The following SLC5A12 variants were observed in gnomAD, a reference collection of about 807,000 sequenced individuals.
The protein encoded by SLC5A12 is solute carrier family 5 member 12, also known as sodium-coupled monocarboxylate transporter 2.
SLC5A12 carries 46 observed loss-of-function variants against 72.7 expected under a neutral mutation model. The ratio of observed to expected loss-of-function variants is 0.63; its 90% CI spans 0.50 to 0.81. The LOEUF (loss-of-function observed/expected upper bound fraction) is 0.81. Among genes scored for constraint, SLC5A12 ranks in the 30% least tolerant of loss-of-function variants. SLC5A12 has a pLI of 0.00. For synonymous variants in SLC5A12, 275 were observed against 264.4 expected, an observed-to-expected ratio of 1.04 and a Z score of -0.39; for missense variants, 683 against 740.7, an observed-to-expected ratio of 0.92 and a Z score of 0.90.
intron 2 of SLC5A12, among the ~76,000 whole-genome samples, chr11:26,712,386 T>C (rs1855250387): frequency 6.6e-6 from 1 of 152,140 alleles, no homozygotes. Flanking sequence ...TTATGCAGGT[T>C]AAACAGCAGT....
chr11:26,680,477 TAC>T (rs1051404125), intron 12 of SLC5A12, among the ~76,000 whole-genome samples: 11 of 149,168 alleles, frequency 7.4e-5, no homozygotes, highest in Non-Finnish European at 1.5e-4. Context: ...TGTCCAAAGA[TAC>T]AGAGGGAATA....
In SLC5A12 at chr11:26,711,059, C is replaced by T. The variant is rs182651995; in HGVS notation, c.457+248G>A. Among the ~76,000 whole-genome samples the T allele has an allele frequency of 4.3e-4, 65 of 151,986 alleles. 1 individual carries two copies. In the East Asian group the frequency reaches 0.011, roughly 25 times the overall value. Reference sequence around the variant, plus strand: ...ATGATTTAAAAATAAAAACCAAATCCCAAACAAACAAAAGCAATCAAAATT... The same window carrying T: ...ATGATTTAAAAATAAAAACCAAATCTCAAACAAACAAAAGCAATCAAAATT... On this transcript the variant is annotated intron_variant, in intron 3 of 14. Coordinates refer to ENST00000396005, the MANE Select transcript of SLC5A12 (RefSeq NM_178498.4).
At position 26,671,240 on chromosome 11, in the gene SLC5A12, C is replaced by A. The variant is rs757776791; in HGVS notation, c.1719G>T (p.Glu573Asp). The A allele has an allele frequency of 6.3e-7, 1 of 1,598,334 alleles. No individual in the cohort carries two copies. Among genetic ancestry groups the A allele is most frequent in the Non-Finnish European group, 8.5e-7 (1 of 1,172,950 alleles). ...HDSGTEQENL[E>D]NGSARKQGAE... is the part of the protein sequence containing the mutation. The stretch of plus-strand genomic sequence containing the variant: ...CCCCCTGTTTCCGGGCACTGCCATT[C>A]TCAAGGTTTTCCTGAGGGAAATACA... The change falls in exon 15 of 15, where the codon GAG becomes GAT. Residue 573 changes from glutamate to aspartate, a missense_variant. Coordinates refer to ENST00000396005, the MANE Select transcript of SLC5A12 (RefSeq NM_178498.4).
Position 26,669,187 on chromosome 11 carries a change from T to TTC in SLC5A12, c.*1914_*1915insGA, listed in dbSNP as rs1554988603. ...TGTCTTTTTCTTTCTTTCTTTCTTC[T>TTC]TTTCTTTCTTTCTTTCTTTCTTTCT... On this transcript the variant is annotated 3_prime_UTR_variant, in exon 15 of 15. Transcript: ENST00000396005. 5 of 110,940 alleles carry TTC rather than the reference T, an allele frequency of 4.5e-5. No individual in the cohort carries two copies. The highest frequency in any genetic ancestry group is 1.6e-4 in the African/African-American group (5 of 31,102). The allele number at this position is 110,940 out of a possible 1,614,324, so 6.9% of individuals were successfully genotyped here. A position where few individuals can be genotyped will look rare whatever the true frequency, so the allele number is the denominator to read the frequency against.
In SLC5A12 at chr11:26,669,217, T is replaced by TTCTTTCTTTCTTTCTTTCTTTCTC. The variant is rs1854081808; in HGVS notation, c.*1884_*1885insGAGAAAGAAAGAAAGAAAGAAAGA. ...TTTCTTTCTTTCTTTCTTTCTTTCTTTCTCTCTCTCCCTCCCTCTTTCTTT... is the reference window on the plus strand; with the variant it reads ...TTTCTTTCTTTCTTTCTTTCTTTCTTTCTTTCTTTCTTTCTTTCTTTCTCTCTCTCTCTCCCTCCCTCTTTCTTT... On this transcript the variant is annotated 3_prime_UTR_variant, in exon 15 of 15. Coordinates refer to ENST00000396005, the MANE Select transcript of SLC5A12 (RefSeq NM_178498.4). 2.5e-5 allele frequency: 2 copies of TTCTTTCTTTCTTTCTTTCTTTCTC among 81,624 alleles called. No individual in the cohort carries two copies. Among genetic ancestry groups the TTCTTTCTTTCTTTCTTTCTTTCTC allele is most frequent in the South Asian group, 3.5e-4 (1 of 2,824 alleles). The allele number at this position is 81,624 out of a possible 1,614,324, so 5.1% of individuals were successfully genotyped here.
At chr11:26,712,039 T>G (rs1160254865) in intron 2 of SLC5A12, among the ~76,000 whole-genome samples, 1 of 152,022 alleles carries the variant, frequency 6.6e-6, no homozygotes, top group African/African-American at 2.4e-5. Context: ...TCAGTCAGTG[T>G]GTGGGAGTTT....
Position 26,703,519 on chromosome 11 carries a change from C to T in SLC5A12, c.821+12G>A. The T allele has an allele frequency of 6.2e-7, 1 of 1,612,100 alleles. No homozygotes were observed. The highest frequency in any genetic ancestry group is 1.1e-5 in the South Asian group (1 of 91,018). On this transcript the variant is annotated intron_variant, in intron 6 of 14. Coordinates refer to ENST00000396005, the MANE Select transcript of SLC5A12 (RefSeq NM_178498.4). Reference sequence around the variant, plus strand: ...GATAAAACATTAAAATTTTTCTTGACTGAGAACTTACAGCTTAGCATGCTT... The same window carrying T: ...GATAAAACATTAAAATTTTTCTTGATTGAGAACTTACAGCTTAGCATGCTT...
At chr11:26,679,251 G>C (rs955776514) in intron 12 of SLC5A12, among the ~76,000 whole-genome samples, 1 of 151,986 alleles carries the variant, frequency 6.6e-6, no homozygotes, top group African/African-American at 2.4e-5. Flanking sequence ...AAAATACTAT[G>C]GCAGCCTTCA....
At position 26,703,513 on chromosome 11, in the gene SLC5A12, TC is replaced by T. The variant is rs1365963524; in HGVS notation, c.821+17del. ...AGGTAAGATAAAACATTAAAATTTTTCTTGACTGAGAACTTACAGCTTAGCA... is the reference window on the plus strand; with the variant it reads ...AGGTAAGATAAAACATTAAAATTTTTTTGACTGAGAACTTACAGCTTAGCA... On this transcript the variant is annotated intron_variant, in intron 6 of 14. Coordinates refer to ENST00000396005, the MANE Select transcript of SLC5A12 (RefSeq NM_178498.4). The T allele has an allele frequency of 6.2e-7, 1 of 1,611,492 alleles. No homozygotes were observed.
At chr11:26,682,837 A>G (rs944691915) in intron 11 of SLC5A12, among the ~76,000 whole-genome samples, 1 of 152,148 alleles carries the variant, frequency 6.6e-6, no homozygotes, top group South Asian at 2.1e-4. Flanking sequence ...GTCAACCCCA[A>G]TATCAGACAA....
rs762087982 is a variant in SLC5A12, at chr11:26,698,553, G to A, written c.822-18C>T. The A allele has an allele frequency of 2.5e-6, 4 of 1,613,266 alleles. No homozygotes were observed. Among genetic ancestry groups the A allele is most frequent in the African/African-American group, 1.3e-5 (1 of 74,850 alleles). Reference sequence around the variant, plus strand: ...ACAAGGCACTAGAAAAGAGCACATGGGCCTATTGGTAGCCTGTATACCATA... The same window carrying A: ...ACAAGGCACTAGAAAAGAGCACATGAGCCTATTGGTAGCCTGTATACCATA... On this transcript the variant is annotated intron_variant, in intron 6 of 14. Transcript: ENST00000396005.
intron 9 of SLC5A12, among the ~76,000 whole-genome samples, chr11:26,689,518 A>T (rs1426205427): frequency 1.3e-5 from 2 of 152,156 alleles, no homozygotes; most frequent in African/African-American, 4.8e-5. Context: ...AGGGTGAGTG[A>T]GAGAAAAGAA....
rs1328860095 is a variant in SLC5A12 at position 26,692,549 on chromosome 11, C to A, written c.1093G>T (p.Val365Phe). Residue 365 changes from valine to phenylalanine, a missense_variant, in exon 9 of 15, where the codon GTC (valine) becomes TTC (phenylalanine). Val to Phe is a conservative substitution (Grantham distance 50). Transcript: ENST00000396005. ...ALATVTFEDF[V>F]KSCFPHLSDK... The stretch of plus-strand genomic sequence containing the variant: ...GAGAGATGAGGAAAACAGCTCTTGA[C>A]AAAATCCTCAAAGGTCACTGTTGCC... The A allele has an allele frequency of 1.2e-6, 2 of 1,614,068 alleles. No individual in the cohort carries two copies. The highest frequency in any genetic ancestry group is 1.7e-5 in the Admixed American group (1 of 60,022).
chr11:26,686,607 T>C, intron 9 of SLC5A12, 63 bp from the exon 10 acceptor site: 1 of 1,445,946 alleles, frequency 6.9e-7, no homozygotes, highest in African/African-American at 1.4e-5. Flanking sequence ...AGGGATGCCT[T>C]GAGCCCCCAC....
intron 2 of SLC5A12, among the ~76,000 whole-genome samples, chr11:26,712,097 T>C (rs1488096566): frequency 2.0e-5 from 3 of 151,984 alleles, no homozygotes; most frequent in African/African-American, 7.3e-5. Flanking sequence ...AAGTACTTGG[T>C]GAGTAGTAGG....
intron 14 of SLC5A12, among the ~76,000 whole-genome samples, chr11:26,671,681 T>C (rs1185296063): frequency 2.0e-5 from 3 of 152,130 alleles, no homozygotes; most frequent in African/African-American, 7.2e-5. Context: ...CTCAACATTA[T>C]TTTTTGGCAA....
chr11:26,683,992 C>T, intron 10 of SLC5A12, 149 bp from the exon 11 acceptor site: 1 of 600,858 alleles, frequency 1.7e-6, no homozygotes, highest in Non-Finnish European at 3.0e-6. Context: ...AGTCATTTCT[C>T]AATTCTGGGA....
chr11:26,667,973 T>C lies in SLC5A12; in HGVS notation c.*3129A>G, dbSNP rs1247289472. Reference sequence around the variant, plus strand: ...TGCAGACCAAGTATTAAATGTTCCATGTGGGCCAGTCACACTGTGCTAAGC... The same window carrying C: ...TGCAGACCAAGTATTAAATGTTCCACGTGGGCCAGTCACACTGTGCTAAGC... On this transcript the variant is annotated 3_prime_UTR_variant, in exon 15 of 15. Coordinates refer to ENST00000396005, the MANE Select transcript of SLC5A12 (RefSeq NM_178498.4). 6.6e-6 allele frequency: 1 copy of C among 152,092 alleles called. No homozygotes were observed. Among genetic ancestry groups the C allele is most frequent in the African/African-American group, 2.4e-5 (1 of 41,438 alleles). 9.4% of individuals were successfully genotyped at this position (152,092 alleles called of 1,614,324 possible).
At position 26,673,491 on chromosome 11, in the gene SLC5A12, T is replaced by C. The variant is rs911349317; in HGVS notation, c.1618A>G (p.Arg540Gly). 6.2e-7 allele frequency: 1 copy of C among 1,611,434 alleles called. No homozygotes were observed. The highest frequency in any genetic ancestry group is 1.3e-5 in the African/African-American group (1 of 74,758). The stretch of plus-strand genomic sequence containing the variant: ...AAGCAAAATAAATTACAAACTGGTC[T>C]AATTAACAGTGGTTGAATATCCTCA... The part of the protein sequence containing the change: ...RGEDIQPLLI[R>G]PVCNLFCFWS... The change falls in exon 14 of 15, where the codon AGA (arginine) becomes GGA (glycine). Residue 540 changes from arginine (R) to glycine (G), a missense_variant. Coordinates refer to ENST00000396005, the MANE Select transcript of SLC5A12 (RefSeq NM_178498.4).
Sources: gnomAD v4.1 joint callset for allele counts (sites outside exome capture counted in the v4.1 genomes callset) on GRCh38, gnomAD v4.1.1 for gene constraint, MANE v1.5 for transcripts, NCBI Gene and HGNC (gene_info 2026-07-23, HGNC 2026-07-21) for gene names.